Variants in PHF2 observed in about 807,000 individuals in gnomAD.
The protein encoded by PHF2 is lysine-specific demethylase PHF2.
PHF2 carries 27 observed loss-of-function variants against 120.5 expected under a neutral mutation model. The ratio of observed to expected loss-of-function variants is 0.22; its 90% confidence interval spans 0.17 to 0.31. PHF2 has a LOEUF of 0.31. PHF2 is among the 10% of genes least tolerant of loss of function. The pLI is 1.00. For synonymous variants in PHF2, 568 were observed against 592.5 expected, an observed-to-expected ratio of 0.96 and a Z score of 0.60; for missense variants, 1,024 against 1,434.8, an observed-to-expected ratio of 0.71 and a Z score of 4.63.
At chr9:93,583,077 T>C (rs1164552082) in intron 1 of PHF2, among the ~76,000 whole-genome samples, 1 of 152,224 alleles carries the variant, frequency 6.6e-6, no homozygotes. Context: ...TTCCTCCCAC[T>C]AGCCCCTGAC....
At chr9:93,603,228 A>G (rs547356947) in intron 1 of PHF2, among the ~76,000 whole-genome samples, 3 of 152,234 alleles carry the variant, frequency 2.0e-5, no homozygotes, top group East Asian at 1.9e-4. Flanking sequence ...CTTGCTTTCT[A>G]TGATCCCGGT....
intron 1 of PHF2, among the ~76,000 whole-genome samples, chr9:93,609,256 G>A (rs1395029642): frequency 1.3e-5 from 2 of 151,926 alleles, no homozygotes; most frequent in African/African-American, 4.8e-5. Context: ...TAGTCATGAA[G>A]TAGTCATGAA....
At chr9:93,633,670 T>C (rs1564388844) in intron 2 of PHF2, among the ~76,000 whole-genome samples, 1 of 152,196 alleles carries the variant, frequency 6.6e-6, no homozygotes, top group Non-Finnish European at 1.5e-5. Flanking sequence ...CTGGCCTCAG[T>C]TGCTTCATCT....
In PHF2 at chr9:93,656,507, G is replaced by C; in HGVS notation, c.1059G>C (p.Arg353Ser). Residue 353 changes from arginine to serine, a missense_variant, in exon 9 of 22, where the codon AGG (arginine) becomes AGC (serine). Physicochemically the swap from Arg to Ser is moderately radical, Grantham distance 110. Coordinates refer to ENST00000359246, the MANE Select transcript of PHF2 (RefSeq NM_005392.4). The surrounding 1 kb of genome is among the most constrained non-coding windows in gnomAD (Gnocchi z 4.1). ...EMQMRAYEVE[R>S]RLKLGSLTQF... The stretch of plus-strand genomic sequence containing the variant: ...CTTCTAGAGCATATGAAGTGGAAAG[G>C]AGGTTGAAACTGGGCAGCCTGACTC... The C allele has an allele frequency of 6.2e-7, 1 of 1,613,488 alleles. No homozygotes were observed. Among genetic ancestry groups the C allele is most frequent in the Non-Finnish European group, 8.5e-7 (1 of 1,179,558 alleles).
In PHF2 at chr9:93,645,549, G is replaced by A. The variant is rs1254279923; in HGVS notation, c.300-80G>A. On this transcript the variant is annotated intron_variant, in intron 3 of 21. Coordinates refer to ENST00000359246, the MANE Select transcript of PHF2 (RefSeq NM_005392.4). Reference sequence around the variant, plus strand: ...GGCCAGACCCAGGCTCACCTCTCCAGCACCGAGGCCCTGTCCACACCTGTC... The same window carrying A: ...GGCCAGACCCAGGCTCACCTCTCCAACACCGAGGCCCTGTCCACACCTGTC... 6.4e-6 allele frequency: 9 copies of A among 1,413,650 alleles called. No homozygotes were observed. In the East Asian group the frequency reaches 2.2e-4, roughly 35 times the overall value. The allele number at this position is 1,413,650 out of a possible 1,614,324, so 87.6% of individuals were successfully genotyped here. A position where few individuals can be genotyped will look rare whatever the true frequency, so the allele number is the denominator to read the frequency against.
At chr9:93,649,755 C>G (rs937556996) in intron 5 of PHF2, among the ~76,000 whole-genome samples, 8 of 152,062 alleles carry the variant, frequency 5.3e-5, no homozygotes, top group Admixed American at 2.6e-4. Flanking sequence ...CCCTCACATT[C>G]GCTCATGGAC....
rs529714835 is a variant in PHF2 at position 93,604,624 on chromosome 9, C to G, written c.99-25346C>G. 2.1e-4 allele frequency among the ~76,000 whole-genome samples: 32 copies of G among 151,824 alleles called. 1 individual carries two copies. The East Asian group carries it at 5.3e-3, about 25-fold the overall frequency. ...GGACTACAGGCGCCCGCCACCACAC[C>G]CGGCTAATTTTTTGTATTTTTAGTA... On this transcript the variant is annotated intron_variant, in intron 1 of 21. Coordinates refer to ENST00000359246, the MANE Select transcript of PHF2 (RefSeq NM_005392.4).
intron 1 of PHF2, among the ~76,000 whole-genome samples, chr9:93,587,971 C>A (rs1340991668): frequency 1.3e-5 from 2 of 152,156 alleles, no homozygotes; most frequent in East Asian, 3.9e-4. Context: ...GACTTGGATC[C>A]TGGTGAAGGA....
chr9:93,640,951 T>C (rs1826163229), intron 3 of PHF2, among the ~76,000 whole-genome samples: 1 of 152,176 alleles, frequency 6.6e-6, no homozygotes, highest in Admixed American at 6.5e-5. Flanking sequence ...TTTCTTTGGG[T>C]TTTCCTAAGA....
At chr9:93,605,880 G>A (rs977345479) in intron 1 of PHF2, among the ~76,000 whole-genome samples, 1 of 152,134 alleles carries the variant, frequency 6.6e-6, no homozygotes, top group Non-Finnish European at 1.5e-5. Flanking sequence ...CCATGTGCAA[G>A]TTTTTCTGTG....
intron 17 of PHF2, 123 bp from the exon 18 acceptor site, chr9:93,673,462 C>T (rs2118133372): frequency 1.2e-6 from 1 of 836,888 alleles, no homozygotes; most frequent in Non-Finnish European, 1.8e-6. Context: ...GCTCCACGCC[C>T]TCTGCCTGCC....
intron 3 of PHF2, 46 bp from the exon 4 acceptor site, chr9:93,645,583 G>A (rs1401505519): frequency 4.0e-6 from 6 of 1,508,648 alleles, no homozygotes; most frequent in Non-Finnish European, 5.3e-6. Context: ...TCCCGGTGCA[G>A]GAGGCCTCGG....
At position 93,677,103 on chromosome 9, in the gene PHF2, G is replaced by T; in HGVS notation, c.3202+140G>T. 1 of 887,006 alleles carries T rather than the reference G, an allele frequency of 1.1e-6. No individual in the cohort carries two copies. The highest frequency in any genetic ancestry group is 1.7e-6 in the Non-Finnish European group (1 of 599,196). The allele number at this position is 887,006 out of a possible 1,614,324, so 54.9% of individuals were successfully genotyped here. The stretch of plus-strand genomic sequence containing the variant: ...GGGCCTTGGGTGGCAGGGTGCTGTG[G>T]TCCAAGTTGGTTGCATCTTTGTGTG... On this transcript the variant is annotated intron_variant, in intron 21 of 21. Coordinates refer to ENST00000359246, the MANE Select transcript of PHF2 (RefSeq NM_005392.4). The surrounding 1 kb of genome is among the most constrained non-coding windows in gnomAD (Gnocchi z 4.4).
At chr9:93,642,068 T>C (rs1826180952) in intron 3 of PHF2, among the ~76,000 whole-genome samples, 1 of 152,252 alleles carries the variant, frequency 6.6e-6, no homozygotes. Context: ...TTTGGCACTC[T>C]CCTTGAAAAG....
intron 7 of PHF2, among the ~76,000 whole-genome samples, chr9:93,655,392 T>G (rs1046476159): frequency 1.3e-5 from 2 of 151,678 alleles, no homozygotes; most frequent in African/African-American, 4.8e-5. Flanking sequence ...GTTGGCTTCC[T>G]CATAGTCGCA....
chr9:93,665,202 C>A (rs1004673712), intron 14 of PHF2, among the ~76,000 whole-genome samples: 3 of 152,102 alleles, frequency 2.0e-5, no homozygotes, highest in Admixed American at 2.0e-4. Context: ...GAGAAAAAAA[C>A]CAGGAAACTT....
chr9:93,656,163 C>G lies in PHF2; in HGVS notation c.1040+142C>G. On this transcript the variant is annotated intron_variant, in intron 8 of 21. Coordinates refer to ENST00000359246, the MANE Select transcript of PHF2 (RefSeq NM_005392.4). This position sits in a 1 kb window ranked among gnomAD's most constrained non-coding sequence, Gnocchi z 4.1. ...GGACATGACCGTCAGCCTCGGTGGG[C>G]CTCTTTGTGATGTGGAGGGAAGGAG... The G allele has an allele frequency of 4.4e-6, 3 of 678,126 alleles. No individual in the cohort carries two copies. Among genetic ancestry groups the G allele is most frequent in the Middle Eastern group, 3.3e-4 (1 of 3,070 alleles). 42.0% of individuals were successfully genotyped at this position (678,126 alleles called of 1,614,324 possible).
At chr9:93,672,005 G>C (rs1826804014) in intron 17 of PHF2, among the ~76,000 whole-genome samples, 1 of 143,626 alleles carries the variant, frequency 7.0e-6, no homozygotes, top group Non-Finnish European at 1.5e-5. Context: ...GTCAGGTGTA[G>C]ATGCAGATGT....
chr9:93,648,716 G>A (rs1343656930), intron 4 of PHF2, among the ~76,000 whole-genome samples: 1 of 152,102 alleles, frequency 6.6e-6, no homozygotes, highest in African/African-American at 2.4e-5. Context: ...TTAAAATGTA[G>A]GTATGTCTCA....
Sources: allele counts gnomAD v4.1 joint callset (sites outside exome capture counted in the v4.1 genomes callset), GRCh38; gene constraint gnomAD v4.1.1; non-coding constraint Gnocchi (gnomAD v3.1); transcripts MANE v1.5; gene names NCBI Gene and HGNC (gene_info 2026-07-23, HGNC 2026-07-21).